Variants in PEX26 observed in about 807,000 individuals in gnomAD.
PEX26 encodes the protein peroxisome assembly protein 26.
A neutral mutation model predicts 31.4 loss-of-function variants in PEX26; 18 were observed. The ratio of observed to expected loss-of-function variants is 0.57; its 90% CI spans 0.40 to 0.85. The LOEUF is 0.85. Among genes scored for constraint, PEX26 ranks in the 40% least tolerant of loss-of-function variants. The pLI, the probability that PEX26 is intolerant of heterozygous loss-of-function variation, is 0.00. For synonymous variants in PEX26, 176 were observed against 166.9 expected (o/e 1.05, Z -0.42); for missense variants, 377 against 383.9 (o/e 0.98, Z 0.15).
At chr22:18,084,237 C>CTCTT (rs1556589212) in intron 3 of PEX26, among the ~76,000 whole-genome samples, 10 of 95,318 alleles carry the variant, frequency 1.0e-4, no homozygotes, top group Admixed American at 3.5e-4. Flanking sequence ...ATCTCTCTCT[C>CTCTT]TTTTTTTTTT....
chr22:18,080,996 C>CTTT (rs1028377315), intron 2 of PEX26, among the ~76,000 whole-genome samples: 1 of 143,786 alleles, frequency 7.0e-6, no homozygotes, highest in African/African-American at 2.5e-5. Context: ...ATGATATCAA[C>CTTT]TTTTTTTTTT....
rs1052440738 is a variant in PEX26, at chr22:18,100,580, C to A, written c.*12505C>A. 1 of 152,150 alleles carries A rather than the reference C, an allele frequency of 6.6e-6. No homozygotes were observed. Among genetic ancestry groups the A allele is most frequent in the African/African-American group, 2.4e-5 (1 of 41,428 alleles). 9.4% of individuals were successfully genotyped at this position (152,150 alleles called of 1,614,324 possible). The stretch of plus-strand genomic sequence containing the variant: ...ACCAAGTGAAAAGTCAGTACAGATT[C>A]TCACTTCTACTTAAAAAATCAAAGG... On this transcript the variant is annotated 3_prime_UTR_variant, in exon 5 of 5. Coordinates refer to ENST00000399744, the MANE Select transcript of PEX26 (RefSeq NM_001127649.3).
In PEX26 at chr22:18,096,461, C is replaced by G. The variant is rs1407861083; in HGVS notation, c.*8386C>G. The G allele has an allele frequency of 1.3e-5, 2 of 152,076 alleles. No homozygotes were observed. Among genetic ancestry groups the G allele is most frequent in the South Asian group, 4.2e-4 (2 of 4,802 alleles). The allele number at this position is 152,076 out of a possible 1,614,324, so 9.4% of individuals were successfully genotyped here. ...TGAGATGGAGTCTCGCTCTGTCGCCCAGGCTGGAGTGCAGTGGCACGATCT... is the reference window on the plus strand; with the variant it reads ...TGAGATGGAGTCTCGCTCTGTCGCCGAGGCTGGAGTGCAGTGGCACGATCT... On this transcript the variant is annotated 3_prime_UTR_variant, in exon 5 of 5. Transcript: ENST00000399744.
In PEX26 at chr22:18,088,119, C is replaced by A; in HGVS notation, c.*44C>A. Reference sequence around the variant, plus strand: ...GCCTCTCTGCTCCTCACGTCCGTGGCCACAGAAGCAGAGCGACAGAGCGAC... The same window carrying A: ...GCCTCTCTGCTCCTCACGTCCGTGGACACAGAAGCAGAGCGACAGAGCGAC... On this transcript the variant is annotated 3_prime_UTR_variant, in exon 5 of 5. Coordinates refer to ENST00000399744, the MANE Select transcript of PEX26 (RefSeq NM_001127649.3). This position sits in a 1 kb window ranked among gnomAD's most constrained non-coding sequence, Gnocchi z 4.1. 7.6e-7 allele frequency: 1 copy of A among 1,313,314 alleles called. No homozygotes were observed. The highest frequency in any genetic ancestry group is 1.1e-6 in the Non-Finnish European group (1 of 909,946). 81.4% of individuals were successfully genotyped at this position (1,313,314 alleles called of 1,614,324 possible).
At chr22:18,078,932 C>T (rs990166520) in intron 1 of PEX26, 4 of 468,064 alleles carry the variant, frequency 8.5e-6, no homozygotes, top group East Asian at 4.7e-5. Context: ...CAGGTACCTC[C>T]GCCCTCCCCG....
intron 4 of PEX26, 112 bp from the exon 5 acceptor site, chr22:18,087,855 AAAAAC>A (rs985960007): frequency 7.6e-6 from 6 of 790,570 alleles, no homozygotes; most frequent in Non-Finnish European, 1.4e-5. Context: ...TGTCTCTAAA[AAAAAC>A]AAAACAAAAC....
Position 18,078,455 on chromosome 22 carries a change from G to A in PEX26, c.79G>A (p.Ala27Thr), listed in dbSNP as rs374630564. 19 of 1,577,290 alleles carry A rather than the reference G, an allele frequency of 1.2e-5. No individual in the cohort carries two copies. Among genetic ancestry groups the A allele is most frequent in the Non-Finnish European group, 1.6e-5 (19 of 1,164,344 alleles). Residue 27 changes from alanine to threonine, a missense_variant, in exon 1 of 5, where the codon GCG becomes ACG. Coordinates refer to ENST00000399744, the MANE Select transcript of PEX26 (RefSeq NM_001127649.3). ...GPLRSSEPVR[A>T]VPARAPAVDL... ...CCTGCGCAGCAGCGAGCCGGTGCGC[G>A]CGGTCCCGGCCCGGGCGCCGGCCGT...
rs1389736078 is a variant in PEX26, at chr22:18,088,044, C to A, written c.887C>A (p.Ser296Tyr). 1 of 1,613,098 alleles carries A rather than the reference C, an allele frequency of 6.2e-7. No individual in the cohort carries two copies. The highest frequency in any genetic ancestry group is 1.3e-5 in the African/African-American group (1 of 74,922). ...LFRWIRKAAF[S>Y]RLYQLRIRD Reference sequence around the variant, plus strand: ...CGCTGGATCCGGAAGGCTGCATTTTCTCGCCTCTACCAGCTCCGCATCCGT... The same window carrying A: ...CGCTGGATCCGGAAGGCTGCATTTTATCGCCTCTACCAGCTCCGCATCCGT... Residue 296 changes from serine (S) to tyrosine (Y), a missense_variant, in exon 5 of 5, where the codon TCT (serine) becomes TAT (tyrosine). Ser to Tyr is a moderately radical substitution (Grantham distance 144). Transcript: ENST00000399744. This position sits in a 1 kb window ranked among gnomAD's most constrained non-coding sequence, Gnocchi z 4.1.
chr22:18,084,237 C>CTTTTTTTTTTTTTTTTTTTTTT (rs362041), intron 3 of PEX26, among the ~76,000 whole-genome samples: 2 of 95,320 alleles, frequency 2.1e-5, no homozygotes. Flanking sequence ...ATCTCTCTCT[C>CTTTTTTTTTTTTTTTTTTTTTT]TTTTTTTTTT....
chr22:18,078,648 T>C, intron 1 of PEX26, 42 bp downstream of exon 1: 3 of 1,545,610 alleles, frequency 1.9e-6, no homozygotes, highest in South Asian at 1.2e-5. Context: ...CCGGGCGCTC[T>C]TGTGGTGGGG....
rs1457747499 is a variant in PEX26, at chr22:18,099,664, G to T, written c.*11589G>T. 1.3e-5 allele frequency: 2 copies of T among 152,154 alleles called. No individual in the cohort carries two copies. The highest frequency in any genetic ancestry group is 1.3e-4 in the Admixed American group (2 of 15,266). 9.4% of individuals were successfully genotyped at this position (152,154 alleles called of 1,614,324 possible). A position where few individuals can be genotyped will look rare whatever the true frequency, so the allele number is the denominator to read the frequency against. ...CACAAATGTATGGCTTAAAACAACA[G>T]AAATTTATTATCTCACAGCTCTGAA... On this transcript the variant is annotated 3_prime_UTR_variant, in exon 5 of 5. Coordinates refer to ENST00000399744, the MANE Select transcript of PEX26 (RefSeq NM_001127649.3).
intron 1 of PEX26, 82 bp from the exon 2 acceptor site, chr22:18,079,792 G>A: frequency 6.7e-7 from 1 of 1,500,254 alleles, no homozygotes; most frequent in Non-Finnish European, 9.3e-7. Flanking sequence ...TTGGGAGCTG[G>A]AGAGGAACAG....
Position 18,101,092 on chromosome 22 carries a change from G to A in PEX26, c.*13017G>A, listed in dbSNP as rs1927438872. 1 of 152,128 alleles carries A rather than the reference G, an allele frequency of 6.6e-6. No homozygotes were observed. The highest frequency in any genetic ancestry group is 6.5e-5 in the Admixed American group (1 of 15,268). 9.4% of individuals were successfully genotyped at this position (152,128 alleles called of 1,614,324 possible). A position where few individuals can be genotyped will look rare whatever the true frequency, so the allele number is the denominator to read the frequency against. ...CATCATATCCACTAGGTTAGGCTGA[G>A]GGTTCATCTATAAAAGTATTTTTCC... On this transcript the variant is annotated 3_prime_UTR_variant, in exon 5 of 5. Transcript: ENST00000399744.
chr22:18,086,785 T>C (rs1442437685), intron 4 of PEX26, among the ~76,000 whole-genome samples: 3 of 152,148 alleles, frequency 2.0e-5, no homozygotes, highest in African/African-American at 7.2e-5. Context: ...CTTCAAATGG[T>C]TTGTCTATTT....
chr22:18,087,119 GC>G (rs1008094561), intron 4 of PEX26, among the ~76,000 whole-genome samples: 1 of 151,974 alleles, frequency 6.6e-6, no homozygotes, highest in Non-Finnish European at 1.5e-5. Flanking sequence ...TTGCTCTGTT[GC>G]CCAGGTTGCA....
At position 18,091,759 on chromosome 22, in the gene PEX26, C is replaced by T. The variant is rs1179100958; in HGVS notation, c.*3684C>T. The stretch of plus-strand genomic sequence containing the variant: ...GGTCACAGAGCACAGACCTGGTGCC[C>T]TTTTCCTTTTTAATATGTGGAAACC... On this transcript the variant is annotated 3_prime_UTR_variant, in exon 5 of 5. Transcript: ENST00000399744. 2 of 152,262 alleles carry T rather than the reference C, an allele frequency of 1.3e-5. No individual in the cohort carries two copies. Among genetic ancestry groups the T allele is most frequent in the Non-Finnish European group, 2.9e-5 (2 of 68,088 alleles). The allele number at this position is 152,262 out of a possible 1,614,324, so 9.4% of individuals were successfully genotyped here.
Position 18,083,533 on chromosome 22 carries a change from T to C in PEX26, c.468T>C (p.Tyr156=), listed in dbSNP as rs1926706805. 2 of 1,613,974 alleles carry C rather than the reference T, an allele frequency of 1.2e-6. No homozygotes were observed. Among genetic ancestry groups the C allele is most frequent in the Non-Finnish European group, 1.7e-6 (2 of 1,179,952 alleles). ...CAGCCAATCAAAACCTTCCAGAATA[T>C]GGAGCCTTGGCAGAATTTCACGTGC... The part of the protein sequence containing the change: ...QDPANQNLPE[Y]GALAEFHVQR... Residue 156 remains tyrosine, a synonymous_variant, in exon 3 of 5, where the codon TAT becomes TAC. Coordinates refer to ENST00000399744, the MANE Select transcript of PEX26 (RefSeq NM_001127649.3).
At position 18,078,280 on chromosome 22, in the gene PEX26, C is replaced by T. The variant is rs1356969263; in HGVS notation, c.-97C>T. The T allele has an allele frequency of 1.2e-6, 1 of 865,920 alleles. No individual in the cohort carries two copies. The highest frequency in any genetic ancestry group is 1.9e-6 in the Non-Finnish European group (1 of 532,390). The allele number at this position is 865,920 out of a possible 1,614,324, so 53.6% of individuals were successfully genotyped here. Reference sequence around the variant, plus strand: ...GGGTGTGGGCAAAGAGATGAGGACTCTCCCTCTTCGCCCAGGCCAACTCGG... The same window carrying T: ...GGGTGTGGGCAAAGAGATGAGGACTTTCCCTCTTCGCCCAGGCCAACTCGG... On this transcript the variant is annotated 5_prime_UTR_variant, in exon 1 of 5. Transcript: ENST00000399744.
At chr22:18,081,469 AG>A (rs1569187151) in intron 2 of PEX26, 1 of 153,618 alleles carries the variant, frequency 6.5e-6, no homozygotes, top group Non-Finnish European at 1.5e-5. Flanking sequence ...ACCTAGAAGA[AG>A]GTGTTGGGAC....
Sources: gnomAD v4.1 joint callset for allele counts (sites outside exome capture counted in the v4.1 genomes callset) on GRCh38, gnomAD v4.1.1 for gene constraint, Gnocchi (gnomAD v3.1) non-coding constraint, MANE v1.5 for transcripts, NCBI Gene and HGNC (gene_info 2026-07-23, HGNC 2026-07-21) for gene names.